Variants in B3GALT1 observed in about 807,000 individuals in gnomAD.
B3GALT1 encodes UDP-Gal:betaGlcNAc beta 1,3-galactosyltransferase, polypeptide 1.
In B3GALT1, 10 loss-of-function variants were observed where a neutral mutation model predicts 23.2. The ratio of observed to expected loss-of-function variants is 0.43; its 90% CI spans 0.27 to 0.73. The LOEUF is 0.73. Ranked by LOEUF, B3GALT1 falls within the 30% of genes least tolerant of loss-of-function variation. The pLI is 0.21. For synonymous variants in B3GALT1, 156 were observed against 141.5 expected (o/e 1.10, Z -0.73); for missense variants, 299 against 405.4 (o/e 0.74, Z 2.25).
At chr2:167,470,246 T>C (rs1191927471) in intron 1 of B3GALT1, among the ~76,000 whole-genome samples, 1 of 152,166 alleles carries the variant, frequency 6.6e-6, no homozygotes, top group Non-Finnish European at 1.5e-5. Context: ...TTCCCAAGAA[T>C]GGTCCCAGTA....
chr2:167,703,920 A>AC (rs1038336572), intron 3 of B3GALT1, among the ~76,000 whole-genome samples: 1 of 152,018 alleles, frequency 6.6e-6, no homozygotes, highest in Non-Finnish European at 1.5e-5. Context: ...GGTGGCTCAC[A>AC]CCTGTAATCC....
chr2:167,334,537 C>G, intron 1 of B3GALT1, among the ~76,000 whole-genome samples: 1 of 152,066 alleles, frequency 6.6e-6, no homozygotes, highest in East Asian at 1.9e-4. Context: ...TAAATGTGGA[C>G]TAACATTGAA....
intron 1 of B3GALT1, among the ~76,000 whole-genome samples, chr2:167,293,647 C>T (rs1696295213): frequency 6.6e-6 from 1 of 152,148 alleles, no homozygotes; most frequent in African/African-American, 2.4e-5. Context: ...GCCCGACGTC[C>T]TTCAAGGACC....
In B3GALT1 at chr2:167,872,818, C is replaced by T. The variant is rs1362385128; in HGVS notation, c.*2798C>T. ...AAACATGTAAATATTCATCAAAGAC[C>T]ACATGTATATATTTTAAAGGCATTT... is the stretch of plus-strand genomic sequence containing the variant. On this transcript the variant is annotated 3_prime_UTR_variant, in exon 5 of 5. Transcript: ENST00000392690. The T allele has an allele frequency of 1.3e-5, 2 of 151,996 alleles. No individual in the cohort carries two copies. Among genetic ancestry groups the T allele is most frequent in the Non-Finnish European group, 2.9e-5 (2 of 68,016 alleles). 9.4% of individuals were successfully genotyped at this position (151,996 alleles called of 1,614,324 possible).
chr2:167,728,046 G>T (rs1293220815), intron 3 of B3GALT1, among the ~76,000 whole-genome samples: 1 of 152,110 alleles, frequency 6.6e-6, no homozygotes, highest in African/African-American at 2.4e-5. Context: ...CGCAGTGTCT[G>T]CCATGTGACA....
intron 1 of B3GALT1, among the ~76,000 whole-genome samples, chr2:167,335,248 A>T (rs112578020): frequency 6.6e-6 from 1 of 152,102 alleles, no homozygotes; most frequent in African/African-American, 2.4e-5. Context: ...GTACAGCTGA[A>T]TTTATTCTAA....
At chr2:167,698,385 T>C (rs1686819387) in intron 3 of B3GALT1, among the ~76,000 whole-genome samples, 1 of 152,182 alleles carries the variant, frequency 6.6e-6, no homozygotes, top group African/African-American at 2.4e-5. Context: ...TATTTTGCAA[T>C]CTGTTAGTGT....
intron 2 of B3GALT1, among the ~76,000 whole-genome samples, chr2:167,503,617 G>C (rs1699878075): frequency 6.6e-6 from 1 of 152,124 alleles, no homozygotes; most frequent in Non-Finnish European, 1.5e-5. Flanking sequence ...CTTCCCTTGA[G>C]TATTGCATTT....
At chr2:167,850,144 A>G (rs1233007954) in intron 4 of B3GALT1, among the ~76,000 whole-genome samples, 1 of 152,236 alleles carries the variant, frequency 6.6e-6, no homozygotes, top group East Asian at 1.9e-4. Context: ...CAATCTGTAC[A>G]TCTGACAAAG....
intron 3 of B3GALT1, among the ~76,000 whole-genome samples, chr2:167,787,531 T>C (rs1688361527): frequency 6.6e-6 from 1 of 152,210 alleles, no homozygotes; most frequent in Non-Finnish European, 1.5e-5. Context: ...ACAGCATAAA[T>C]GGTACTTCTC....
chr2:167,647,694 C>G (rs1047900670), intron 3 of B3GALT1, among the ~76,000 whole-genome samples: 1 of 152,086 alleles, frequency 6.6e-6, no homozygotes, highest in African/African-American at 2.4e-5. Flanking sequence ...TCCAAGTGGA[C>G]TTATTGTTCA....
At chr2:167,574,711 A>G (rs958701132) in intron 2 of B3GALT1, among the ~76,000 whole-genome samples, 1 of 151,776 alleles carries the variant, frequency 6.6e-6, no homozygotes, top group African/African-American at 2.4e-5. Flanking sequence ...TCAGTTCCAT[A>G]TAAATTTAGG....
At chr2:167,686,473 A>G (rs1686617761) in intron 3 of B3GALT1, among the ~76,000 whole-genome samples, 1 of 152,218 alleles carries the variant, frequency 6.6e-6, no homozygotes, top group Non-Finnish European at 1.5e-5. Context: ...TCCAAATATC[A>G]TAAAATTTAA....
At chr2:167,346,006 T>G (rs572184489) in intron 1 of B3GALT1, among the ~76,000 whole-genome samples, 3 of 152,024 alleles carry the variant, frequency 2.0e-5, no homozygotes, top group Non-Finnish European at 4.4e-5. Context: ...CAACTCTTGG[T>G]CATCTTATCT....
At chr2:167,472,717 G>T (rs899976501) in intron 1 of B3GALT1, among the ~76,000 whole-genome samples, 2 of 151,778 alleles carry the variant, frequency 1.3e-5, no homozygotes, top group Non-Finnish European at 2.9e-5. Flanking sequence ...CCTTTCCTCC[G>T]CTTGCTGTGC....
chr2:167,633,141 A>C (rs1685480326), intron 2 of B3GALT1, among the ~76,000 whole-genome samples: 1 of 151,938 alleles, frequency 6.6e-6, no homozygotes, highest in Non-Finnish European at 1.5e-5. Context: ...GAACTTCCCC[A>C]ATCTAGCAAG....
chr2:167,325,127 T>C (rs1478632662), intron 1 of B3GALT1, among the ~76,000 whole-genome samples: 1 of 152,188 alleles, frequency 6.6e-6, no homozygotes, highest in Non-Finnish European at 1.5e-5. Flanking sequence ...TTAAGGTTGA[T>C]TCTATATCAT....
At chr2:167,447,721 T>A (rs1699022697) in intron 1 of B3GALT1, among the ~76,000 whole-genome samples, 1 of 152,108 alleles carries the variant, frequency 6.6e-6, no homozygotes, top group Non-Finnish European at 1.5e-5. Context: ...AAGCACAATA[T>A]TAGGGTGGAA....
At chr2:167,663,710 A>G (rs1367992719) in intron 3 of B3GALT1, among the ~76,000 whole-genome samples, 1 of 151,842 alleles carries the variant, frequency 6.6e-6, no homozygotes, top group Non-Finnish European at 1.5e-5. Context: ...TCTGATGGCC[A>G]GTGATGGTGA....
Sources: gnomAD v4.1 joint callset for allele counts (sites outside exome capture counted in the v4.1 genomes callset) on GRCh38, gnomAD v4.1.1 for gene constraint, MANE v1.5 for transcripts, NCBI Gene and HGNC (gene_info 2026-07-23, HGNC 2026-07-21) for gene names.